Variants in XPO6 observed in about 807,000 individuals in gnomAD.
XPO6 encodes the protein exportin 6, also known as exportin-6.
In XPO6, 3 loss-of-function variants were observed where a neutral mutation model predicts 130.0. The observed-to-expected ratio is 0.02, with a 90% CI of 0.01 to 0.06. The LOEUF (loss-of-function observed/expected upper bound fraction) is 0.06. Ranked by LOEUF, XPO6 falls within the 10% of genes least tolerant of loss-of-function variation. The probability of loss-of-function intolerance (pLI) is 1.00; values close to 1 mark genes in which losing one functional copy is unlikely to be tolerated. For missense variants in XPO6, 970 were observed against 1,393.0 expected, an observed-to-expected ratio of 0.70 and a Z score of 4.83; for synonymous variants, 524 against 548.9, an observed-to-expected ratio of 0.95 and a Z score of 0.63.
chr16:28,179,951 T>C (rs1260093955), intron 2 of XPO6, among the ~76,000 whole-genome samples: 1 of 152,214 alleles, frequency 6.6e-6, no homozygotes, highest in Non-Finnish European at 1.5e-5. Flanking sequence ...AGGTTCTACG[T>C]TTAATTCATG....
At position 28,098,534 on chromosome 16, in the gene XPO6, A is replaced by T. The variant is rs1265053004; in HGVS notation, c.*4T>A. The T allele has an allele frequency of 6.2e-7, 1 of 1,605,390 alleles. No individual in the cohort carries two copies. Among genetic ancestry groups the T allele is most frequent in the Admixed American group, 1.7e-5 (1 of 59,382 alleles). On this transcript the variant is annotated 3_prime_UTR_variant, in exon 24 of 24. Coordinates refer to ENST00000304658, the MANE Select transcript of XPO6 (RefSeq NM_015171.4). Reference sequence around the variant, plus strand: ...GAAGTCCGTGTCCCCAGGCAGTAGCAGGCCTAGAGCTTCACAGTGCCAGGG... The same window carrying T: ...GAAGTCCGTGTCCCCAGGCAGTAGCTGGCCTAGAGCTTCACAGTGCCAGGG...
At chr16:28,162,933 T>C (rs995820398) in intron 6 of XPO6, among the ~76,000 whole-genome samples, 2 of 152,178 alleles carry the variant, frequency 1.3e-5, no homozygotes, top group African/African-American at 2.4e-5. Flanking sequence ...ATTTACTAAC[T>C]TAAGAGTTTT....
At chr16:28,151,841 A>G (rs1466941306) in intron 8 of XPO6, among the ~76,000 whole-genome samples, 1 of 152,176 alleles carries the variant, frequency 6.6e-6, no homozygotes, top group East Asian at 1.9e-4. Flanking sequence ...CAGCCTCGTC[A>G]ACATAGCAAG....
chr16:28,133,107 G>A (rs947439416), intron 11 of XPO6, among the ~76,000 whole-genome samples: 4 of 152,224 alleles, frequency 2.6e-5, no homozygotes, highest in African/African-American at 9.6e-5. Flanking sequence ...GGAGGCAGAG[G>A]CGGGCAGACG....
At chr16:28,136,011 C>T (rs1467427071) in intron 9 of XPO6, among the ~76,000 whole-genome samples, 1 of 152,148 alleles carries the variant, frequency 6.6e-6, no homozygotes, top group African/African-American at 2.4e-5. Flanking sequence ...ATAGGCACTG[C>T]ATATAAATAT....
At chr16:28,182,671 T>C (rs999677076) in intron 1 of XPO6, among the ~76,000 whole-genome samples, 3 of 152,360 alleles carry the variant, frequency 2.0e-5, no homozygotes, top group Non-Finnish European at 2.9e-5. Context: ...TTAAAAACTA[T>C]CTATTTTTTC....
chr16:28,186,371 A>ATTT (rs1237138991), intron 1 of XPO6, among the ~76,000 whole-genome samples: 2 of 10,136 alleles, frequency 2.0e-4, no homozygotes, highest in Non-Finnish European at 3.9e-4. Flanking sequence ...TGCCCCAGTT[A>ATTT]TTCTTTTTTT....
chr16:28,101,333 G>A lies in XPO6; in HGVS notation c.3276+125C>T, dbSNP rs767474326. ...GTCAGCAGGCATCTCGTGAGCTGCCGCCAAGCTGCAGGGTGGGCACAGACC... is the reference window on the plus strand; with the variant it reads ...GTCAGCAGGCATCTCGTGAGCTGCCACCAAGCTGCAGGGTGGGCACAGACC... On this transcript the variant is annotated intron_variant, in intron 23 of 23. Transcript: ENST00000304658. The surrounding 1 kb of genome is among the most constrained non-coding windows in gnomAD (Gnocchi z 5.4). 3.6e-5 allele frequency: 30 copies of A among 824,126 alleles called. No individual in the cohort carries two copies. Among genetic ancestry groups the A allele is most frequent in the South Asian group, 2.4e-4 (17 of 70,138 alleles). The allele number at this position is 824,126 out of a possible 1,614,324, so 51.1% of individuals were successfully genotyped here.
Position 28,101,226 on chromosome 16 carries a change from A to G in XPO6, c.3276+232T>C, listed in dbSNP as rs1220932290. On this transcript the variant is annotated intron_variant, in intron 23 of 23. Coordinates refer to ENST00000304658, the MANE Select transcript of XPO6 (RefSeq NM_015171.4). The surrounding 1 kb of genome is among the most constrained non-coding windows in gnomAD (Gnocchi z 5.4). ...GCAGAGCCAGGAACTCGGGACCTCC[A>G]TGGCTGAGACTAAGAACATACGTGC... The G allele has an allele frequency of 3.3e-6, 2 of 599,076 alleles. No individual in the cohort carries two copies. The highest frequency in any genetic ancestry group is 2.9e-5 in the East Asian group (1 of 34,666). 37.1% of individuals were successfully genotyped at this position (599,076 alleles called of 1,614,324 possible).
At chr16:28,204,581 G>A (rs2044000010) in intron 1 of XPO6, among the ~76,000 whole-genome samples, 1 of 152,106 alleles carries the variant, frequency 6.6e-6, no homozygotes, top group Non-Finnish European at 1.5e-5. Flanking sequence ...AACCAGCTTG[G>A]ATGTCAAGCA....
chr16:28,210,165 T>C (rs2044102782), intron 1 of XPO6, among the ~76,000 whole-genome samples: 1 of 152,164 alleles, frequency 6.6e-6, no homozygotes. Context: ...ACTATACGTA[T>C]AGCATATACT....
rs150530549 is a variant in XPO6 at position 28,175,122 on chromosome 16, A to C, written c.405+776T>G. 1.1e-3 allele frequency among the ~76,000 whole-genome samples: 161 copies of C among 152,114 alleles called. 1 individual carries two copies. The East Asian group carries it at 0.027, about 25-fold the overall frequency. Reference sequence around the variant, plus strand: ...CTGAAAAATCTATCTGAGCCAGAAAACTGGAAGTCATTCTAGATTCCTCCC... The same window carrying C: ...CTGAAAAATCTATCTGAGCCAGAAACCTGGAAGTCATTCTAGATTCCTCCC... On this transcript the variant is annotated intron_variant, in intron 4 of 23. Transcript: ENST00000304658.
At chr16:28,169,994 C>G in intron 4 of XPO6, 85 bp from the exon 5 acceptor site, 1 of 1,513,122 alleles carries the variant, frequency 6.6e-7, no homozygotes, top group Admixed American at 1.9e-5. Context: ...TATGAAGCAT[C>G]TGTGTGTGTT....
At chr16:28,183,701 T>C (rs1432124509) in intron 1 of XPO6, among the ~76,000 whole-genome samples, 1 of 152,214 alleles carries the variant, frequency 6.6e-6, no homozygotes, top group Non-Finnish European at 1.5e-5. Context: ...TCATTTTTAT[T>C]TGGTCTTAGA....
At chr16:28,117,281 A>C (rs2087090603) in intron 15 of XPO6, 37 bp downstream of exon 15, 1 of 1,610,190 alleles carries the variant, frequency 6.2e-7, no homozygotes, top group African/African-American at 1.3e-5. Context: ...AGAGACAGAG[A>C]GTTAGATAAA....
rs927826977 is a variant in XPO6, at chr16:28,126,215, C to G, written c.1607-367G>C. 1.3e-5 allele frequency among the ~76,000 whole-genome samples: 2 copies of G among 152,342 alleles called. 1 individual carries two copies. Among genetic ancestry groups the G allele is most frequent in the South Asian group, 4.1e-4 (2 of 4,830 alleles). On this transcript the variant is annotated intron_variant, in intron 12 of 23. Transcript: ENST00000304658. ...GGGAGGCCCAGGCACTTGCCAAGCA[C>G]GTGTCACATTTCCGGGGCAAGGCTG... is the stretch of plus-strand genomic sequence containing the variant.
At chr16:28,186,672 A>ATTTTT (rs35690546) in intron 1 of XPO6, among the ~76,000 whole-genome samples, 1 of 140,856 alleles carries the variant, frequency 7.1e-6, no homozygotes, top group Admixed American at 7.1e-5. Flanking sequence ...ATTCAGCCTA[A>ATTTTT]TTTTTTTTTT....
chr16:28,203,255 G>A (rs1001546611), intron 1 of XPO6, among the ~76,000 whole-genome samples: 10 of 149,640 alleles, frequency 6.7e-5, no homozygotes, highest in South Asian at 6.3e-4. Context: ...CAGCCTGGGC[G>A]ACGGAGTAAG....
intron 9 of XPO6, among the ~76,000 whole-genome samples, chr16:28,138,015 G>A (rs540779984): frequency 2.0e-5 from 3 of 152,088 alleles, no homozygotes; most frequent in Non-Finnish European, 4.4e-5. Flanking sequence ...CCAACTGTAT[G>A]CAAACGACTT....
Sources: allele counts gnomAD v4.1 joint callset (sites outside exome capture counted in the v4.1 genomes callset), GRCh38; gene constraint gnomAD v4.1.1; non-coding constraint Gnocchi (gnomAD v3.1); transcripts MANE v1.5; gene names NCBI Gene and HGNC (gene_info 2026-07-23, HGNC 2026-07-21).